The following CHKA variants were observed in gnomAD, a reference collection of about 807,000 sequenced individuals.
The protein encoded by CHKA is choline kinase alpha, also known as CHETK-alpha.
CHKA carries 34 observed loss-of-function variants against 60.1 expected under a neutral mutation model. The observed-to-expected ratio is 0.57, with a 90% confidence interval of 0.43 to 0.75. The LOEUF is 0.75. CHKA is among the 30% of genes least tolerant of loss of function. The pLI is 0.00. For synonymous variants in CHKA, 217 were observed against 223.1 expected (o/e 0.97, Z 0.24); for missense variants, 563 against 561.3 (o/e 1.00, Z -0.03).
intron 2 of CHKA, among the ~76,000 whole-genome samples, chr11:68,093,281 T>C (rs1857407851): frequency 6.6e-6 from 1 of 152,144 alleles, no homozygotes; most frequent in Non-Finnish European, 1.5e-5. Context: ...ATTACAGGAG[T>C]GAGCCACCAT....
At chr11:68,086,626 C>A (rs1049154903) in intron 2 of CHKA, among the ~76,000 whole-genome samples, 2 of 152,186 alleles carry the variant, frequency 1.3e-5, no homozygotes, top group Non-Finnish European at 2.9e-5. Context: ...TCCCTAGAGT[C>A]TGTGTATAGT....
intron 11 of CHKA, among the ~76,000 whole-genome samples, chr11:68,059,172 G>C (rs1489044290): frequency 2.6e-5 from 4 of 152,220 alleles, no homozygotes; most frequent in African/African-American, 9.6e-5. Flanking sequence ...TGGGATTACA[G>C]GCATGAGCCA....
chr11:68,109,752 G>A (rs773284053), intron 1 of CHKA, among the ~76,000 whole-genome samples: 1 of 152,274 alleles, frequency 6.6e-6, no homozygotes, highest in African/African-American at 2.4e-5. Flanking sequence ...AGGAGTTCAA[G>A]ACCAGCCTGG....
chr11:68,074,689 C>T, intron 4 of CHKA, 28 bp downstream of exon 4: 1 of 1,599,036 alleles, frequency 6.3e-7, no homozygotes, highest in Non-Finnish European at 8.6e-7. Flanking sequence ...TGGCATATGT[C>T]AACTAAGCGT....
At chr11:68,096,919 C>T in intron 2 of CHKA, 100 bp downstream of exon 2, 7 of 710,836 alleles carry the variant, frequency 9.8e-6, no homozygotes, top group Non-Finnish European at 1.6e-5. Context: ...TCTTTAGTAA[C>T]ACCATTAAAG....
intron 11 of CHKA, among the ~76,000 whole-genome samples, chr11:68,061,255 C>T (rs1488993630): frequency 4.0e-5 from 6 of 151,608 alleles, no homozygotes; most frequent in East Asian, 1.9e-4. Context: ...TACAGGCGCC[C>T]GCCACCATGC....
chr11:68,118,985 T>C (rs1157293851), intron 1 of CHKA, among the ~76,000 whole-genome samples: 2 of 152,200 alleles, frequency 1.3e-5, no homozygotes, highest in African/African-American at 2.4e-5. Flanking sequence ...AGTTCAGGCT[T>C]TGAAGGCAGT....
chr11:68,074,319 G>A (rs543394137), intron 4 of CHKA, among the ~76,000 whole-genome samples: 2 of 152,224 alleles, frequency 1.3e-5, no homozygotes, highest in Admixed American at 6.5e-5. Context: ...ACCAAGGAAG[G>A]GTGATGGGAA....
intron 4 of CHKA, among the ~76,000 whole-genome samples, chr11:68,073,899 T>G (rs1856701368): frequency 6.6e-6 from 1 of 152,216 alleles, no homozygotes; most frequent in Non-Finnish European, 1.5e-5. Flanking sequence ...TTACGCTCAA[T>G]GAAAATGGGG....
chr11:68,074,755 C>T lies in CHKA; in HGVS notation c.592G>A (p.Gly198Ser). The T allele has an allele frequency of 6.2e-7, 1 of 1,614,172 alleles. No homozygotes were observed. Among genetic ancestry groups the T allele is most frequent in the Non-Finnish European group, 8.5e-7 (1 of 1,180,038 alleles). ...AERSLGPKLY[G>S]IFPQGRLEQF... ...TCCAGTCGGCCTTGGGGAAAGATGC[C>T]ATAGAGTTTTGGCCCAAGTGACCTC... is the stretch of plus-strand genomic sequence containing the variant. The change falls in exon 4 of 12, where the codon GGC (glycine) becomes AGC (serine). Residue 198 changes from glycine to serine, a missense_variant. Gly to Ser is a moderately conservative substitution (Grantham distance 56). Transcript: ENST00000265689.
intron 5 of CHKA, among the ~76,000 whole-genome samples, 161 bp downstream of exon 5, chr11:68,070,563 A>G (rs562826798): frequency 3.2e-4 from 49 of 152,244 alleles, no homozygotes; most frequent in African/African-American, 1.1e-3. Flanking sequence ...TTTTACACAC[A>G]AGAAAGACTT....
chr11:68,117,625 T>C (rs1858441767), intron 1 of CHKA, among the ~76,000 whole-genome samples: 1 of 150,558 alleles, frequency 6.6e-6, no homozygotes, highest in Non-Finnish European at 1.5e-5. Context: ...AGGCAGAAGT[T>C]GCAGCTAGCC....
chr11:68,062,296 C>A (rs1856278436), intron 10 of CHKA, among the ~76,000 whole-genome samples: 1 of 152,338 alleles, frequency 6.6e-6, no homozygotes, highest in South Asian at 2.1e-4. Flanking sequence ...CACGTAAATG[C>A]CACTTGGCCA....
At chr11:68,073,669 C>T (rs1295836753) in intron 4 of CHKA, among the ~76,000 whole-genome samples, 1 of 152,154 alleles carries the variant, frequency 6.6e-6, no homozygotes, top group Non-Finnish European at 1.5e-5. Context: ...GCACAACTAG[C>T]CTCTCTGTTT....
At chr11:68,101,852 C>T (rs993807294) in intron 1 of CHKA, among the ~76,000 whole-genome samples, 1 of 152,116 alleles carries the variant, frequency 6.6e-6, no homozygotes, top group Admixed American at 6.6e-5. Context: ...GTAATCCCAA[C>T]ACTTTGGGAG....
At chr11:68,074,446 C>A (rs1183670599) in intron 4 of CHKA, among the ~76,000 whole-genome samples, 1 of 152,102 alleles carries the variant, frequency 6.6e-6, no homozygotes, top group Non-Finnish European at 1.5e-5. Flanking sequence ...GTGAAAAGGG[C>A]AAAGTCTCAG....
chr11:68,066,802 C>T (rs889679668), intron 7 of CHKA, among the ~76,000 whole-genome samples: 2 of 152,226 alleles, frequency 1.3e-5, no homozygotes, highest in African/African-American at 4.8e-5. Flanking sequence ...GCCTCTTGCT[C>T]TGCTGTCAGG....
intron 3 of CHKA, among the ~76,000 whole-genome samples, chr11:68,077,004 G>A (rs1007511839): frequency 1.3e-5 from 2 of 152,170 alleles, no homozygotes; most frequent in African/African-American, 4.8e-5. Context: ...TCGGGAGGCT[G>A]AGGAGGGCAG....
At chr11:68,120,332 G>A (rs1858574578) in intron 1 of CHKA, among the ~76,000 whole-genome samples, 1 of 152,228 alleles carries the variant, frequency 6.6e-6, no homozygotes, top group South Asian at 2.1e-4. Context: ...TGTCTCTTAG[G>A]GGATGAGAAA....
Sources: allele counts gnomAD v4.1 joint callset (sites outside exome capture counted in the v4.1 genomes callset), GRCh38; gene constraint gnomAD v4.1.1; transcripts MANE v1.5; gene names NCBI Gene and HGNC (gene_info 2026-07-23, HGNC 2026-07-21).